The following PTP4A1 variants were observed in gnomAD, a reference collection of about 807,000 sequenced individuals.
PTP4A1 encodes the protein protein tyrosine phosphatase type IVA 1.
Under a neutral mutation model 20.5 loss-of-function variants are expected in PTP4A1, and 9 were observed. That is an observed-to-expected ratio of 0.44 (90% CI 0.26 to 0.77). The LOEUF is 0.77. Ranked by LOEUF, PTP4A1 falls within the 30% of genes least tolerant of loss-of-function variation. The pLI is 0.19. For missense variants in PTP4A1, 137 were observed against 218.8 expected (o/e 0.63, Z 2.36); for synonymous variants, 78 against 67.4 (o/e 1.16, Z -0.77).
rs767630066 is a variant in PTP4A1 at position 63,581,868 on chromosome 6, G to A, written c.*1694G>A. On this transcript the variant is annotated 3_prime_UTR_variant, in exon 6 of 6. Coordinates refer to ENST00000626021, the MANE Select transcript of PTP4A1 (RefSeq NM_003463.5). The stretch of plus-strand genomic sequence containing the variant: ...AAATATTAGTATTTGGTACATGAAG[G>A]CTTAATGTTAAGTTTCCTTTAATGA... 6.6e-6 allele frequency: 1 copy of A among 152,214 alleles called. No homozygotes were observed. The highest frequency in any genetic ancestry group is 6.5e-5 in the Admixed American group (1 of 15,300). The allele number at this position is 152,214 out of a possible 1,614,324, so 9.4% of individuals were successfully genotyped here.
chr6:63,557,477 C>A (rs1024051033), intron 3 of PTP4A1, among the ~76,000 whole-genome samples: 1 of 151,960 alleles, frequency 6.6e-6, no homozygotes, highest in Admixed American at 6.6e-5. Context: ...GGCATGAGAA[C>A]TGCTCCATAT....
chr6:63,521,618 A>G (rs1364622142), upstream of PTP4A1: 2 of 152,250 alleles, frequency 1.3e-5, no homozygotes, highest in African/African-American at 4.8e-5. Flanking sequence ...CAAATAGCAT[A>G]TATTTTAGAA....
Position 63,553,571 on chromosome 6 carries a change from T to C in PTP4A1, c.-446+3078T>C, listed in dbSNP as rs560920964. On this transcript the variant is annotated intron_variant, in intron 3 of 3. Coordinates refer to the PTP4A1 transcript ENST00000639568. ...CTCAGTGTAGCTAATTTGTCAGCCT[T>C]GCCTGGACATTAGCACATATTTAGA... Among the ~76,000 whole-genome samples the C allele has an allele frequency of 1.2e-4, 18 of 152,354 alleles. No homozygotes were observed. The East Asian group carries it at 3.3e-3, about 28-fold the overall frequency.
At chr6:63,551,286 G>C (rs1265383754) in intron 3 of PTP4A1, among the ~76,000 whole-genome samples, 1 of 151,572 alleles carries the variant, frequency 6.6e-6, no homozygotes, top group Admixed American at 6.6e-5. Flanking sequence ...GGCTGGTCTC[G>C]AATTCCTGAC....
In PTP4A1 at chr6:63,581,266, A is replaced by G. The variant is rs993526651; in HGVS notation, c.*1092A>G. On this transcript the variant is annotated 3_prime_UTR_variant, in exon 6 of 6. Coordinates refer to ENST00000626021, the MANE Select transcript of PTP4A1 (RefSeq NM_003463.5). ...GTAACTTAATATTTGGATACTTGAC[A>G]ATTTGTTTTATTATGTAATTGATAA... is the stretch of plus-strand genomic sequence containing the variant. 1 of 152,492 alleles carries G rather than the reference A, an allele frequency of 6.6e-6. No individual in the cohort carries two copies. The highest frequency in any genetic ancestry group is 1.5e-5 in the Non-Finnish European group (1 of 67,994). The allele number at this position is 152,492 out of a possible 1,614,324, so 9.4% of individuals were successfully genotyped here.
chr6:63,523,926 G>A (rs182477285), intron 1 of PTP4A1, among the ~76,000 whole-genome samples: 19 of 152,040 alleles, frequency 1.2e-4, no homozygotes, highest in Admixed American at 1.2e-3. Flanking sequence ...AGTTTCTAAG[G>A]TATGACTATA....
At chr6:63,533,022 G>C (rs896011616) in intron 2 of PTP4A1, among the ~76,000 whole-genome samples, 5 of 152,152 alleles carry the variant, frequency 3.3e-5, no homozygotes, top group African/African-American at 1.2e-4. Flanking sequence ...AAGAGCTACT[G>C]ACCTGACAGA....
chr6:63,551,194 T>C (rs1776423990), intron 3 of PTP4A1, among the ~76,000 whole-genome samples: 1 of 152,010 alleles, frequency 6.6e-6, no homozygotes, highest in Non-Finnish European at 1.5e-5. Flanking sequence ...GCCTCCCAAA[T>C]AGCTGGGACT....
chr6:63,562,423 T>A (rs960524025), intron 3 of PTP4A1, among the ~76,000 whole-genome samples: 3 of 152,198 alleles, frequency 2.0e-5, no homozygotes, highest in Non-Finnish European at 2.9e-5. Context: ...GGTCTCGAAC[T>A]CCCGACCTCA....
rs371837650 is a variant in PTP4A1, at chr6:63,576,925, G to A, written c.45G>A (p.Lys15=). The A allele has an allele frequency of 1.9e-6, 3 of 1,613,758 alleles. No homozygotes were observed. The highest frequency in any genetic ancestry group is 2.2e-5 in the East Asian group (1 of 44,872). The stretch of plus-strand genomic sequence containing the variant: ...CAGCTCCTGTGGAAGTCACATACAA[G>A]AACATGAGATTTCTTATTACACACA... The part of the protein sequence containing the change: ...NRPAPVEVTY[K]NMRFLITHNP... The change falls in exon 2 of 6, where the codon AAG becomes AAA. Residue 15 remains lysine, a synonymous_variant. Transcript: ENST00000626021.
intron 1 of PTP4A1, among the ~76,000 whole-genome samples, chr6:63,523,399 T>G (rs1581906524): frequency 6.6e-6 from 1 of 151,900 alleles, no homozygotes; most frequent in Non-Finnish European, 1.5e-5. Flanking sequence ...CCAGGCATGA[T>G]GGGGCATGCC....
At chr6:63,551,686 C>A in intron 3 of PTP4A1, among the ~76,000 whole-genome samples, 1 of 150,592 alleles carries the variant, frequency 6.6e-6, no homozygotes, top group East Asian at 2.0e-4. Flanking sequence ...TCCCTCCCCC[C>A]TCCCCCTACC....
At position 63,558,289 on chromosome 6, in the gene PTP4A1, G is replaced by A. The variant is rs961621897; in HGVS notation, c.-446+7796G>A. ...GGAAGTAAAAGGGGGAAGGAGGGAG[G>A]GATGGAGGAGAGAAAGAAGCAGGGA... On this transcript the variant is annotated intron_variant, in intron 3 of 3. Transcript: ENST00000639568. Among the ~76,000 whole-genome samples the A allele has an allele frequency of 2.6e-5, 4 of 152,040 alleles. No homozygotes were observed. The East Asian group carries it at 7.7e-4, about 29-fold the overall frequency.
At chr6:63,578,323 A>T in intron 2 of PTP4A1, 114 bp from the exon 3 acceptor site, 1 of 1,231,726 alleles carries the variant, frequency 8.1e-7, no homozygotes, top group Non-Finnish European at 1.1e-6. Context: ...GCATTCTTTA[A>T]ATGATCTTCT....
intron 2 of PTP4A1, among the ~76,000 whole-genome samples, chr6:63,545,421 C>A (rs553368709): frequency 9.3e-4 from 142 of 152,004 alleles, no homozygotes; most frequent in African/African-American, 3.4e-3. Flanking sequence ...ACCAGGCTGG[C>A]CAACAGGGTG....
At chr6:63,520,411 G>A (rs2149470465), upstream of PTP4A1, among the ~76,000 whole-genome samples, 1 of 152,232 alleles carries the variant, frequency 6.6e-6, no homozygotes, top group East Asian at 1.9e-4. Flanking sequence ...CGGATCACTT[G>A]AGGCCAGGAG....
chr6:63,533,890 C>G (rs1186129983), intron 2 of PTP4A1, among the ~76,000 whole-genome samples: 1 of 152,012 alleles, frequency 6.6e-6, no homozygotes, highest in Non-Finnish European at 1.5e-5. Context: ...GTCGTCCAAG[C>G]TGGAGTTCAG....
At chr6:63,553,814 A>G (rs1776551315) in intron 3 of PTP4A1, among the ~76,000 whole-genome samples, 1 of 152,120 alleles carries the variant, frequency 6.6e-6, no homozygotes, top group African/African-American at 2.4e-5. Context: ...ACTAAACAAA[A>G]CCATTGCCCA....
intron 2 of PTP4A1, among the ~76,000 whole-genome samples, chr6:63,531,660 T>C (rs1443809531): frequency 6.6e-6 from 1 of 151,904 alleles, no homozygotes; most frequent in Non-Finnish European, 1.5e-5. Flanking sequence ...TGATCAATAT[T>C]TCATACTTTT....
Sources: allele counts gnomAD v4.1 joint callset (sites outside exome capture counted in the v4.1 genomes callset), GRCh38; gene constraint gnomAD v4.1.1; transcripts MANE v1.5; gene names NCBI Gene and HGNC (gene_info 2026-07-23, HGNC 2026-07-21).